The following POLR3E variants were observed in gnomAD, a reference collection of about 807,000 sequenced individuals.
POLR3E encodes RNA polymerase III subunit E, also known as DNA-directed RNA polymerase III subunit RPC5.
In POLR3E, 41 loss-of-function variants were observed where a neutral mutation model predicts 96.6. That is an observed-to-expected ratio of 0.42 (90% CI 0.33 to 0.55). The LOEUF is 0.55. POLR3E is among the 20% of genes least tolerant of loss of function. The probability of loss-of-function intolerance (pLI) is 0.06; values close to 1 mark genes in which losing one functional copy is unlikely to be tolerated. For missense variants in POLR3E, 849 were observed against 952.1 expected, an observed-to-expected ratio of 0.89 and a Z score of 1.43; for synonymous variants, 396 against 383.6, an observed-to-expected ratio of 1.03 and a Z score of -0.38.
chr16:22,333,179 G>C (rs748763949), intron 20 of POLR3E, among the ~76,000 whole-genome samples: 8 of 150,140 alleles, frequency 5.3e-5, no homozygotes, highest in Non-Finnish European at 1.2e-4. Context: ...ATGGCCAGGC[G>C]CGGTGGCTCA....
In POLR3E at chr16:22,324,509, G is replaced by C. The variant is rs141897679; in HGVS notation, c.1135G>C (p.Ala379Pro). ...KEVATVTKLC[A>P]EDVKDFLEHM... ...TGGGCCCCCTCCCCTCCAGCTCTGC[G>C]CCGAGGATGTGAAGGACTTCCTGGA... Residue 379 changes from alanine to proline, a missense_variant, in exon 16 of 21, where the codon GCC (alanine) becomes CCC (proline). Physicochemically the swap from Ala to Pro is conservative, Grantham distance 27 (BLOSUM62 -1). Transcript: ENST00000299853. The C allele has an allele frequency of 1.9e-6, 3 of 1,611,586 alleles. No individual in the cohort carries two copies. Among genetic ancestry groups the C allele is most frequent in the Non-Finnish European group, 2.5e-6 (3 of 1,178,896 alleles).
At chr16:22,324,894 G>A (rs2048546937) in intron 16 of POLR3E, among the ~76,000 whole-genome samples, 1 of 152,166 alleles carries the variant, frequency 6.6e-6, no homozygotes, top group African/African-American at 2.4e-5. Context: ...AGGACACACA[G>A]CCAGTACCTG....
At chr16:22,317,670 T>C (rs1267137437) in intron 12 of POLR3E, among the ~76,000 whole-genome samples, 2 of 149,900 alleles carry the variant, frequency 1.3e-5, no homozygotes, top group African/African-American at 2.5e-5. Flanking sequence ...TTGTTGTTTT[T>C]TTTTTTAAGG....
In POLR3E at chr16:22,326,170, T is replaced by G; in HGVS notation, c.1758T>G (p.Asn586Lys). 6.2e-7 allele frequency: 1 copy of G among 1,613,968 alleles called. No individual in the cohort carries two copies. The highest frequency in any genetic ancestry group is 8.5e-7 in the Non-Finnish European group (1 of 1,179,972). Residue 586 changes from asparagine to lysine, a missense_variant, in exon 18 of 21, where the codon AAT becomes AAG. Physicochemically the swap from Asn to Lys is moderately conservative, Grantham distance 94. Transcript: ENST00000299853. ...LTLSELKRLF[N>K]LHLASLPPGH... ...TGAGCGAACTCAAGCGCCTCTTCAA[T>G]CTGCACTTGGCCAGCCTGCCCCCCG...
chr16:22,304,041 C>T (rs1275058682), intron 2 of POLR3E, among the ~76,000 whole-genome samples: 1 of 152,044 alleles, frequency 6.6e-6, no homozygotes, highest in African/African-American at 2.4e-5. Context: ...GATCTCCTGA[C>T]CTCAAGTGAT....
At chr16:22,299,410 CTTTT>C (rs34579812) in intron 1 of POLR3E, among the ~76,000 whole-genome samples, 1 of 117,362 alleles carries the variant, frequency 8.5e-6, no homozygotes. Flanking sequence ...ATATGATTTA[CTTTT>C]TTTTTTTTTT....
intron 5 of POLR3E, 175 bp downstream of exon 5, chr16:22,309,215 G>A (rs2048194226): frequency 7.6e-6 from 5 of 660,838 alleles, no homozygotes; most frequent in South Asian, 6.9e-5. Flanking sequence ...TGGTCCCAGA[G>A]CTCCTACCCA....
Position 22,317,220 on chromosome 16 carries a change from C to T in POLR3E, c.865+14C>T. 4 of 1,600,740 alleles carry T rather than the reference C, an allele frequency of 2.5e-6. No individual in the cohort carries two copies. Among genetic ancestry groups the T allele is most frequent in the Non-Finnish European group, 3.4e-6 (4 of 1,172,052 alleles). On this transcript the variant is annotated intron_variant, in intron 12 of 20. Transcript: ENST00000299853. ...TGATGAAGAATGGTGGGTGCCTACC[C>T]CCTGCCCACCCGGGGGCCCCAGTCC...
Position 22,326,155 on chromosome 16 carries a change from C to T in POLR3E, c.1743C>T (p.Leu581=), listed in dbSNP as rs374083804. ...QRQFVLTLSE[L]KRLFNLHLAS... ...AGTTTGTGCTCACGCTGAGCGAACT[C>T]AAGCGCCTCTTCAATCTGCACTTGG... Residue 581 remains leucine (L), a synonymous_variant, in exon 18 of 21, where the codon CTC becomes CTT. Coordinates refer to ENST00000299853, the MANE Select transcript of POLR3E (RefSeq NM_018119.4). The T allele has an allele frequency of 6.2e-7, 1 of 1,614,040 alleles. No individual in the cohort carries two copies. The highest frequency in any genetic ancestry group is 1.3e-5 in the African/African-American group (1 of 75,072).
rs751392284 is a variant in POLR3E at position 22,302,545 on chromosome 16, C to T, written c.-38-386C>T. 4.7e-5 allele frequency: 8 copies of T among 171,734 alleles called. No individual in the cohort carries two copies. The East Asian group carries it at 1.2e-3, about 25-fold the overall frequency. The allele number at this position is 171,734 out of a possible 1,614,324, so 10.6% of individuals were successfully genotyped here. A position where few individuals can be genotyped will look rare whatever the true frequency, so the allele number is the denominator to read the frequency against. ...TTCAACTTCTGGCTCCTCTTTAAAG[C>T]GTCCCCAGGGCCCTCAGTTCTCCAG... is the stretch of plus-strand genomic sequence containing the variant. On this transcript the variant is annotated intron_variant, in intron 1 of 20. Transcript: ENST00000299853.
At chr16:22,306,150 A>G (rs975109529) in intron 3 of POLR3E, among the ~76,000 whole-genome samples, 2 of 152,204 alleles carry the variant, frequency 1.3e-5, no homozygotes, top group African/African-American at 4.8e-5. Flanking sequence ...CATAGCTGGA[A>G]TCATGCAGTA....
chr16:22,313,573 C>A lies in POLR3E; in HGVS notation c.365-47C>A. 2 of 1,320,384 alleles carry A rather than the reference C, an allele frequency of 1.5e-6. No individual in the cohort carries two copies. The highest frequency in any genetic ancestry group is 2.2e-6 in the Non-Finnish European group (2 of 915,402). 81.8% of individuals were successfully genotyped at this position (1,320,384 alleles called of 1,614,324 possible). A position where few individuals can be genotyped will look rare whatever the true frequency, so the allele number is the denominator to read the frequency against. The stretch of plus-strand genomic sequence containing the variant: ...GACTTGGTGACTCTCTTGAGCCAAA[C>A]TGGGTGGGTTTCTAGAGTTGAGTCC... On this transcript the variant is annotated intron_variant, in intron 6 of 20. Coordinates refer to ENST00000299853, the MANE Select transcript of POLR3E (RefSeq NM_018119.4). The surrounding 1 kb of genome is among the most constrained non-coding windows in gnomAD (Gnocchi z 4.1).
intron 1 of POLR3E, among the ~76,000 whole-genome samples, chr16:22,299,428 T>TG (rs1300285597): frequency 6.6e-6 from 1 of 150,460 alleles, no homozygotes; most frequent in Non-Finnish European, 1.5e-5. Flanking sequence ...TTTTTTTTTT[T>TG]TTTGAGATGG....
At chr16:22,308,903 T>TG (rs2048186782) in intron 4 of POLR3E, 22 bp from the exon 5 acceptor site, 4 of 1,540,066 alleles carry the variant, frequency 2.6e-6, no homozygotes, top group Non-Finnish European at 3.6e-6. Flanking sequence ...TCATAGCTGG[T>TG]GGGGGTGCTT....
rs538374699 is a variant in POLR3E, at chr16:22,313,910, C to T, written c.473-169C>T. Reference sequence around the variant, plus strand: ...AAAAGGTCACATTGCCCAGTATCCCCAGGGTAAAGGGGCAAAACTGTCCCC... The same window carrying T: ...AAAAGGTCACATTGCCCAGTATCCCTAGGGTAAAGGGGCAAAACTGTCCCC... On this transcript the variant is annotated intron_variant, in intron 7 of 20. Transcript: ENST00000299853. The surrounding 1 kb of genome is among the most constrained non-coding windows in gnomAD (Gnocchi z 4.1). 6.6e-6 allele frequency among the ~76,000 whole-genome samples: 1 copy of T among 152,272 alleles called. No homozygotes were observed. The highest frequency in any genetic ancestry group is 1.9e-4 in the East Asian group (1 of 5,182).
rs1181577668 is a variant in POLR3E, at chr16:22,309,484, G to A, written c.338G>A (p.Arg113His). ...CSSQTTSNTSRYAAALYRQGE... is the reference protein window; with the variant it reads ...CSSQTTSNTSHYAAALYRQGE... Reference sequence around the variant, plus strand: ...TCCCAGACCACCAGTAACACATCCCGTTATGCCGCTGCACTCTACAGGCAA... The same window carrying A: ...TCCCAGACCACCAGTAACACATCCCATTATGCCGCTGCACTCTACAGGCAA... The change falls in exon 6 of 21, where the codon CGT (arginine) becomes CAT (histidine). Residue 113 changes from arginine to histidine, a missense_variant. Transcript: ENST00000299853. 5 of 1,613,426 alleles carry A rather than the reference G, an allele frequency of 3.1e-6. No homozygotes were observed. Among genetic ancestry groups the A allele is most frequent in the Middle Eastern group, 1.6e-4 (1 of 6,084 alleles).
At chr16:22,328,390 A>G in intron 18 of POLR3E, 120 bp from the exon 19 acceptor site, 1 of 802,718 alleles carries the variant, frequency 1.2e-6, no homozygotes, top group Non-Finnish European at 2.1e-6. Flanking sequence ...TGAGTAGCAG[A>G]AGCTGGGATT....
intron 19 of POLR3E, 65 bp downstream of exon 19, chr16:22,328,652 T>C: frequency 7.5e-7 from 1 of 1,334,990 alleles, no homozygotes; most frequent in East Asian, 2.3e-5. Flanking sequence ...GTTGGAGGCC[T>C]TGGGGGACAT....
At chr16:22,304,759 A>AG (rs2048099692) in intron 2 of POLR3E, among the ~76,000 whole-genome samples, 1 of 152,204 alleles carries the variant, frequency 6.6e-6, no homozygotes, top group South Asian at 2.1e-4. Flanking sequence ...AGGCTGGTCC[A>AG]GGAGGGGCAG....
Sources: allele counts gnomAD v4.1 joint callset (sites outside exome capture counted in the v4.1 genomes callset), GRCh38; gene constraint gnomAD v4.1.1; non-coding constraint Gnocchi (gnomAD v3.1); transcripts MANE v1.5; gene names NCBI Gene and HGNC (gene_info 2026-07-23, HGNC 2026-07-21).